Variants in ABCB1 observed in about 807,000 individuals in gnomAD.
ABCB1 encodes the protein ATP-dependent translocase ABCB1.
In ABCB1, 69 loss-of-function variants were observed where a neutral mutation model predicts 142.0. The ratio of observed to expected loss-of-function variants is 0.49; its 90% CI spans 0.40 to 0.59. The LOEUF (loss-of-function observed/expected upper bound fraction) is 0.59, where lower values mean the gene tolerates loss of function less well. Ranked by LOEUF, ABCB1 falls within the 20% of genes least tolerant of loss-of-function variation. The pLI is 0.00. For synonymous variants in ABCB1, 532 were observed against 539.2 expected (o/e 0.99, Z 0.18); for missense variants, 1,326 against 1,554.7 (o/e 0.85, Z 2.47).
chr7:87,515,206 G>C, intron 25 of ABCB1, 25 bp downstream of exon 25: 1 of 1,611,950 alleles, frequency 6.2e-7, no homozygotes, highest in Non-Finnish European at 8.5e-7. Flanking sequence ...AACCTGAACT[G>C]AGCTAAATGT....
At chr7:87,514,188 C>T (rs1922243) in intron 25 of ABCB1, among the ~76,000 whole-genome samples, 25,278 of 152,102 alleles carry the variant, frequency 0.17, 4,035 homozygotes, top group African/African-American at 0.4. Flanking sequence ...TAAATGCTAC[C>T]AGCGTCCATA....
Position 87,568,221 on chromosome 7 carries a change from C to T in ABCB1, c.339-1245G>A, listed in dbSNP as rs1409254906. ...CCAGCCTGACCAAAGTGGTGAAATC[C>T]CGTCTCTACTAAAAATACGACAATA... is the stretch of plus-strand genomic sequence containing the variant. On this transcript the variant is annotated intron_variant, in intron 5 of 27. Coordinates refer to ENST00000622132, the MANE Select transcript of ABCB1 (RefSeq NM_001348946.2). Among the ~76,000 whole-genome samples the T allele has an allele frequency of 5.4e-5, 5 of 92,958 alleles. No homozygotes were observed. The East Asian group carries it at 2.5e-3, about 47-fold the overall frequency. 61.0% of individuals were successfully genotyped at this position (92,958 alleles called of 152,430 possible).
chr7:87,690,992 A>G (rs1239554102), intron 1 of ABCB1, among the ~76,000 whole-genome samples: 1 of 152,150 alleles, frequency 6.6e-6, no homozygotes, highest in South Asian at 2.1e-4. Flanking sequence ...TACTTTTTGC[A>G]TAAGTGTTAA....
intron 26 of ABCB1, 109 bp downstream of exon 26, chr7:87,509,166 T>G: frequency 2.7e-6 from 3 of 1,093,356 alleles, no homozygotes; most frequent in Non-Finnish European, 4.2e-6. Flanking sequence ...GGGTGTGATT[T>G]GGTTGCTAAT....
chr7:87,549,609 G>A, intron 13 of ABCB1, 91 bp from the exon 14 acceptor site: 1 of 1,575,124 alleles, frequency 6.3e-7, no homozygotes, highest in Non-Finnish European at 8.7e-7. Flanking sequence ...CACAGCCCAA[G>A]TCTCACAAGT....
At chr7:87,568,260 T>TAAC (rs1320054074) in intron 5 of ABCB1, among the ~76,000 whole-genome samples, 21 of 137,496 alleles carry the variant, frequency 1.5e-4, no homozygotes, top group African/African-American at 2.0e-4. Context: ...ATAATAATAA[T>TAAC]AATAATAAAA....
At chr7:87,641,545 T>C (rs1822453099) in intron 1 of ABCB1, among the ~76,000 whole-genome samples, 1 of 152,140 alleles carries the variant, frequency 6.6e-6, no homozygotes, top group Admixed American at 6.6e-5. Flanking sequence ...ATGCACTGAT[T>C]TGGGGGCGAC....
intron 3 of ABCB1, among the ~76,000 whole-genome samples, chr7:87,587,602 T>C (rs557948113): frequency 6.6e-6 from 1 of 152,272 alleles, no homozygotes; most frequent in East Asian, 1.9e-4. Context: ...CTGGGTGCAG[T>C]GGCTCACACC....
At chr7:87,536,909 G>A (rs1816319185) in intron 19 of ABCB1, 1 of 298,082 alleles carries the variant, frequency 3.4e-6, no homozygotes, top group Admixed American at 4.8e-5. Context: ...CTATTTTAGA[G>A]ACTGGGGAGG....
chr7:87,593,028 G>A (rs1055626363), intron 3 of ABCB1, among the ~76,000 whole-genome samples: 14 of 151,416 alleles, frequency 9.2e-5, no homozygotes, highest in African/African-American at 3.4e-4. Flanking sequence ...CTGGGTTCAA[G>A]TGATCCTCCC....
At chr7:87,646,174 G>T (rs1822978889) in intron 1 of ABCB1, among the ~76,000 whole-genome samples, 1 of 152,138 alleles carries the variant, frequency 6.6e-6, no homozygotes, top group African/African-American at 2.4e-5. Context: ...TCTTCTGTAG[G>T]AACGTAACCT....
intron 1 of ABCB1, among the ~76,000 whole-genome samples, chr7:87,616,861 T>C (rs541291977): frequency 6.6e-6 from 1 of 152,182 alleles, no homozygotes; most frequent in East Asian, 1.9e-4. Flanking sequence ...TCTCTTCTCT[T>C]GTGATAAGAA....
rs77049124 is a variant in ABCB1 at position 87,654,172 on chromosome 7, C to T, written c.-330-53094G>A. On this transcript the variant is annotated intron_variant, in intron 1 of 28. Coordinates refer to the ABCB1 transcript ENST00000265724. ...TTAACAATCTACCCAACATAATCTA[C>T]AGGTTCACTGAAATCTCCACCAAAA... Among the ~76,000 whole-genome samples, 1,062 of 151,968 alleles carry T rather than the reference C, an allele frequency of 7.0e-3. 8 individuals carry two copies. The highest frequency in any genetic ancestry group is 0.049 in the East Asian group (253 of 5,170).
chr7:87,565,860 A>G (rs553214051), intron 7 of ABCB1, among the ~76,000 whole-genome samples: 1 of 152,186 alleles, frequency 6.6e-6, no homozygotes, highest in East Asian at 1.9e-4. Context: ...CCCTTCCCCA[A>G]ATAATCACAT....
At chr7:87,521,404 T>C in intron 21 of ABCB1, 1 of 641,680 alleles carries the variant, frequency 1.6e-6, no homozygotes, top group Non-Finnish European at 2.8e-6. Context: ...CTTACCCCTT[T>C]CTGCCCGTGG....
In ABCB1 at chr7:87,553,941, AAG is replaced by A; in HGVS notation, c.828-11_828-10del. ...CTAAATTTTTGTTGTACCTGAGAAA[AAG>A]AACAAAAATGATCACATATACATTT... On this transcript the variant is annotated splice_polypyrimidine_tract_variant and intron_variant, in intron 8 of 27. Transcript: ENST00000622132. 1 of 1,605,430 alleles carries A rather than the reference AAG, an allele frequency of 6.2e-7. No individual in the cohort carries two copies. Among genetic ancestry groups the A allele is most frequent in the Non-Finnish European group, 8.5e-7 (1 of 1,172,202 alleles).
At chr7:87,582,993 A>G (rs750126587) in intron 4 of ABCB1, among the ~76,000 whole-genome samples, 6 of 152,238 alleles carry the variant, frequency 3.9e-5, no homozygotes, top group Non-Finnish European at 7.3e-5. Context: ...ACATCATATA[A>G]TAGGTACTGA....
intron 4 of ABCB1, 120 bp from the exon 5 acceptor site, chr7:87,570,343 A>T: frequency 1.0e-6 from 1 of 992,748 alleles, no homozygotes; most frequent in Non-Finnish European, 1.6e-6. Context: ...GGTCGAACTG[A>T]CTCAGTTTTA....
At chr7:87,632,306 G>A (rs941345788) in intron 1 of ABCB1, among the ~76,000 whole-genome samples, 5 of 152,152 alleles carry the variant, frequency 3.3e-5, no homozygotes, top group Non-Finnish European at 5.9e-5. Context: ...CTTTGAAAGT[G>A]GGTTGTTTAG....
Sources: gnomAD v4.1 joint callset for allele counts (sites outside exome capture counted in the v4.1 genomes callset) on GRCh38, gnomAD v4.1.1 for gene constraint, MANE v1.5 for transcripts, NCBI Gene and HGNC (gene_info 2026-07-23, HGNC 2026-07-21) for gene names.